The following APP variants were observed in gnomAD, a reference collection of about 807,000 sequenced individuals.
The protein encoded by APP is amyloid-beta precursor protein.
A neutral mutation model predicts 101.4 loss-of-function variants in APP; 31 were observed. That is an observed-to-expected ratio of 0.31 (90% CI 0.23 to 0.41). The LOEUF (loss-of-function observed/expected upper bound fraction) is 0.41. Among genes scored for constraint, APP ranks in the 10% least tolerant of loss-of-function variants. APP has a pLI of 1.00. For synonymous variants in APP, 366 were observed against 364.4 expected (o/e 1.00, Z -0.05); for missense variants, 839 against 1,003.7 (o/e 0.84, Z 2.22).
Position 26,095,167 on chromosome 21 carries a change from T to C in APP, c.226-5095A>G, listed in dbSNP as rs568768430. 9.8e-4 allele frequency among the ~76,000 whole-genome samples: 149 copies of C among 152,154 alleles called. 2 individuals are homozygous for C. Among genetic ancestry groups the C allele is most frequent in the Middle Eastern group, 3.4e-3 (1 of 294 alleles). On this transcript the variant is annotated intron_variant, in intron 2 of 17. Transcript: ENST00000346798. ...CCTATATTTAATTTTAAGAAAGAGATAGGGTCATCCTATGTTGCCCAGGCT... is the reference window on the plus strand; with the variant it reads ...CCTATATTTAATTTTAAGAAAGAGACAGGGTCATCCTATGTTGCCCAGGCT...
At chr21:26,052,477 A>C (rs1384943810) in intron 4 of APP, among the ~76,000 whole-genome samples, 1 of 152,220 alleles carries the variant, frequency 6.6e-6, no homozygotes, top group Non-Finnish European at 1.5e-5. Flanking sequence ...AAACCTATAT[A>C]AATTTATTAG....
At chr21:25,884,526 G>C (rs1386468012) in intron 17 of APP, among the ~76,000 whole-genome samples, 1 of 152,186 alleles carries the variant, frequency 6.6e-6, no homozygotes, top group Non-Finnish European at 1.5e-5. Flanking sequence ...CCTCCAACTT[G>C]TAAGTTAAAA....
At chr21:26,009,359 A>AT (rs2043677975) in intron 6 of APP, among the ~76,000 whole-genome samples, 1 of 152,204 alleles carries the variant, frequency 6.6e-6, no homozygotes, top group Non-Finnish European at 1.5e-5. Flanking sequence ...CTCAAGCAAC[A>AT]TTAAAACAGC....
At chr21:25,885,795 T>C (rs1344752418) in intron 17 of APP, among the ~76,000 whole-genome samples, 1 of 152,106 alleles carries the variant, frequency 6.6e-6, no homozygotes, top group African/African-American at 2.4e-5. Context: ...CTGACCCTTT[T>C]CTCCCTGAAC....
chr21:26,006,475 T>A (rs1178457580), intron 6 of APP, among the ~76,000 whole-genome samples: 1 of 152,218 alleles, frequency 6.6e-6, no homozygotes, highest in South Asian at 2.1e-4. Flanking sequence ...GGTAGGCCCT[T>A]GCTGAGATTT....
intron 2 of APP, among the ~76,000 whole-genome samples, chr21:26,110,870 CA>C (rs1465427314): frequency 6.6e-6 from 1 of 151,866 alleles, no homozygotes; most frequent in Non-Finnish European, 1.5e-5. Context: ...TGCCAACAAG[CA>C]TAAGACTAAT....
chr21:26,084,259 G>C, intron 3 of APP, among the ~76,000 whole-genome samples: 1 of 74,050 alleles, frequency 1.4e-5, no homozygotes, highest in Non-Finnish European at 2.5e-5. Context: ...TTTTTTTTGA[G>C]ACTGAGTCTC....
intron 17 of APP, among the ~76,000 whole-genome samples, chr21:25,883,578 A>C (rs532356893): frequency 6.6e-6 from 1 of 152,194 alleles, no homozygotes; most frequent in East Asian, 1.9e-4. Flanking sequence ...CTGTAGTCCC[A>C]GCTACTCCAG....
intron 6 of APP, among the ~76,000 whole-genome samples, chr21:26,003,809 A>G (rs2043396058): frequency 1.3e-5 from 2 of 152,068 alleles, no homozygotes; most frequent in Admixed American, 1.3e-4. Context: ...CTCAACTCTC[A>G]CTTCCCAACA....
chr21:26,030,260 G>A (rs1054758246), intron 5 of APP, among the ~76,000 whole-genome samples: 3 of 152,246 alleles, frequency 2.0e-5, no homozygotes, highest in African/African-American at 7.2e-5. Flanking sequence ...AATTAAGGAT[G>A]TAAGATGCTG....
In APP at chr21:26,050,913, A is replaced by G. The variant is rs1307552297; in HGVS notation, c.662+87T>C. ...GGAGTGGGCAGAGACCTTTTCAGTG[A>G]TAAACAGAAAGATTAATTTACAGGA... On this transcript the variant is annotated intron_variant, in intron 5 of 17. Transcript: ENST00000346798. The G allele has an allele frequency of 2.6e-6, 4 of 1,518,026 alleles. No individual in the cohort carries two copies. The Admixed American group carries it at 6.9e-5, about 26-fold the overall frequency. 94.0% of individuals were successfully genotyped at this position (1,518,026 alleles called of 1,614,324 possible). A position where few individuals can be genotyped will look rare whatever the true frequency, so the allele number is the denominator to read the frequency against.
At chr21:26,021,775 C>T (rs1049632128) in intron 6 of APP, 65 bp downstream of exon 6, 2 of 1,592,546 alleles carry the variant, frequency 1.3e-6, no homozygotes, top group African/African-American at 1.3e-5. Flanking sequence ...GTGGATATTT[C>T]CAACTCTGGT....
Position 25,983,929 on chromosome 21 carries a change from T to C in APP, c.1091-1452A>G, listed in dbSNP as rs377468307. On this transcript the variant is annotated intron_variant, in intron 8 of 17. Coordinates refer to ENST00000346798, the MANE Select transcript of APP (RefSeq NM_000484.4). ...CATTTGGATTTGAATCCCATTTCTT[T>C]TTCAGATCAGCTGTGACCTGGGGCA... 2.6e-5 allele frequency among the ~76,000 whole-genome samples: 4 copies of C among 152,352 alleles called. No homozygotes were observed. In the East Asian group the frequency reaches 5.8e-4, roughly 22 times the overall value.
chr21:25,958,670 G>T (rs2041442525), intron 11 of APP, among the ~76,000 whole-genome samples: 1 of 152,176 alleles, frequency 6.6e-6, no homozygotes, highest in Admixed American at 6.5e-5. Flanking sequence ...CTTTCAGATA[G>T]TATTTGCAGA....
chr21:25,888,628 G>A (rs1158833818), intron 17 of APP, among the ~76,000 whole-genome samples: 1 of 152,160 alleles, frequency 6.6e-6, no homozygotes. Flanking sequence ...AAAATGAGGA[G>A]AGAAGAGCTG....
At chr21:25,939,712 A>G (rs2040496463) in intron 13 of APP, among the ~76,000 whole-genome samples, 1 of 152,164 alleles carries the variant, frequency 6.6e-6, no homozygotes, top group Admixed American at 6.5e-5. Flanking sequence ...CAGTCTGGAA[A>G]CTGTTCAGGT....
chr21:26,029,921 C>T (rs974719164), intron 5 of APP, among the ~76,000 whole-genome samples: 17 of 152,072 alleles, frequency 1.1e-4, no homozygotes, highest in Admixed American at 1.0e-3. Context: ...CTCCTGTAAA[C>T]CCTGCCCCAC....
chr21:26,024,489 C>A (rs545061626), intron 5 of APP, among the ~76,000 whole-genome samples: 1 of 152,232 alleles, frequency 6.6e-6, no homozygotes, highest in South Asian at 2.1e-4. Flanking sequence ...ATTCCAAACA[C>A]GTGAGACAAG....
rs199521746 is a variant in APP at position 25,955,644 on chromosome 21, C to T, written c.1570G>A (p.Ala524Thr). 1.1e-5 allele frequency: 17 copies of T among 1,613,998 alleles called. No individual in the cohort carries two copies. Among genetic ancestry groups the T allele is most frequent in the South Asian group, 3.3e-5 (3 of 91,090 alleles). ...ACGCTTACCTGGGACCGGATCTGAG[C>T]GGCTTTCTTGGGATCCACCATGCGC... ...HVRMVDPKKA[A>T]QIRSQVMTHL... The change falls in exon 12 of 18, where the codon GCT becomes ACT. Residue 524 changes from alanine (A) to threonine (T), a missense_variant. Transcript: ENST00000346798.
Sources: gnomAD v4.1 joint callset for allele counts (sites outside exome capture counted in the v4.1 genomes callset) on GRCh38, gnomAD v4.1.1 for gene constraint, MANE v1.5 for transcripts, NCBI Gene and HGNC (gene_info 2026-07-23, HGNC 2026-07-21) for gene names.